KCNH1: variants seen among roughly 807,000 people sequenced by gnomAD.
The protein encoded by KCNH1 is potassium voltage-gated channel subfamily H member 1.
In KCNH1, 27 loss-of-function variants were observed where a neutral mutation model predicts 69.2. That is an observed-to-expected ratio of 0.39 (90% confidence interval 0.29 to 0.54). KCNH1 has a LOEUF of 0.54. KCNH1 is among the 20% of genes least tolerant of loss of function. The pLI is 0.68. For missense variants in KCNH1, 798 were observed against 1,261.6 expected (o/e 0.63, Z 5.57); for synonymous variants, 456 against 487.7 (o/e 0.93, Z 0.86).
At chr1:210,812,064 T>C (rs1303282663) in intron 7 of KCNH1, among the ~76,000 whole-genome samples, 2 of 152,176 alleles carry the variant, frequency 1.3e-5, no homozygotes, top group East Asian at 1.9e-4. Flanking sequence ...CTAAGAACTT[T>C]GAGAAGAGTG....
At chr1:210,741,280 G>C (rs1017766059) in intron 10 of KCNH1, among the ~76,000 whole-genome samples, 1 of 152,088 alleles carries the variant, frequency 6.6e-6, no homozygotes. Context: ...CCTACAACAG[G>C]ATAAATGAAT....
In KCNH1 at chr1:210,683,191, A is replaced by G; in HGVS notation, c.*90T>C. On this transcript the variant is annotated 3_prime_UTR_variant, in exon 11 of 11. Transcript: ENST00000271751. The surrounding 1 kb of genome is among the most constrained non-coding windows in gnomAD (Gnocchi z 5.7). ...TCTGTTAGGAAAAGCCTACTTGAAA[A>G]TTGTTGGTCATGTGGACATATGTGG... 1 of 1,265,008 alleles carries G rather than the reference A, an allele frequency of 7.9e-7. No individual in the cohort carries two copies. The highest frequency in any genetic ancestry group is 1.1e-6 in the Non-Finnish European group (1 of 914,260). The allele number at this position is 1,265,008 out of a possible 1,614,324, so 78.4% of individuals were successfully genotyped here.
intron 5 of KCNH1, among the ~76,000 whole-genome samples, chr1:211,077,195 T>C (rs1442356592): frequency 6.6e-6 from 1 of 152,112 alleles, no homozygotes; most frequent in East Asian, 1.9e-4. Flanking sequence ...TGCAGGATAT[T>C]ATCCAGGAGA....
intron 10 of KCNH1, among the ~76,000 whole-genome samples, chr1:210,753,281 T>C (rs939494602): frequency 4.4e-4 from 67 of 152,322 alleles, no homozygotes; most frequent in Non-Finnish European, 5.4e-4. Flanking sequence ...ACCAATATGA[T>C]GGTTTTCTTT....
In KCNH1 at chr1:211,085,628, G is replaced by T. The variant is rs1220501128; in HGVS notation, c.440-2730C>A. ...CAGAGTCAGGACTCTGAAAAAAATA[G>T]CTACACAGGAAAAGAAGAAGCAACC... On this transcript the variant is annotated intron_variant, in intron 4 of 10. Transcript: ENST00000271751. 3.9e-5 allele frequency among the ~76,000 whole-genome samples: 6 copies of T among 152,288 alleles called. No individual in the cohort carries two copies. In the South Asian group the frequency reaches 1.2e-3, roughly 32 times the overall value.
intron 10 of KCNH1, among the ~76,000 whole-genome samples, chr1:210,717,888 T>G (rs1307961537): frequency 6.6e-6 from 1 of 152,140 alleles, no homozygotes; most frequent in African/African-American, 2.4e-5. Context: ...GGAAGATCAC[T>G]TGAGATCAAG....
At chr1:210,879,719 G>A (rs536643108) in intron 7 of KCNH1, among the ~76,000 whole-genome samples, 3 of 152,020 alleles carry the variant, frequency 2.0e-5, no homozygotes, top group East Asian at 1.9e-4. Flanking sequence ...GTCTCTTCTC[G>A]CTACTGTTTT....
At chr1:211,067,817 G>A (rs1035972663) in intron 5 of KCNH1, among the ~76,000 whole-genome samples, 1 of 152,190 alleles carries the variant, frequency 6.6e-6, no homozygotes, top group African/African-American at 2.4e-5. Context: ...TGAGAGTCAG[G>A]TAAACCTGGT....
chr1:210,784,207 ACT>A (rs1056978461), intron 9 of KCNH1, among the ~76,000 whole-genome samples: 35 of 152,262 alleles, frequency 2.3e-4, no homozygotes, highest in African/African-American at 6.7e-4. Flanking sequence ...ACACTTAATA[ACT>A]CTCTCACATG....
At chr1:210,974,693 A>G (rs766318684) in intron 6 of KCNH1, among the ~76,000 whole-genome samples, 6 of 151,348 alleles carry the variant, frequency 4.0e-5, no homozygotes, top group African/African-American at 7.3e-5. Context: ...CCTCCCAAGT[A>G]GCTGGGACTA....
At chr1:210,857,884 T>C (rs1239996740) in intron 7 of KCNH1, among the ~76,000 whole-genome samples, 2 of 152,170 alleles carry the variant, frequency 1.3e-5, no homozygotes, top group East Asian at 1.9e-4. Context: ...GTATCAATAG[T>C]GGTTTCTGGA....
rs199980759 is a variant in KCNH1, at chr1:211,067,449, C to CT, written c.558+15330dup. Among the ~76,000 whole-genome samples the CT allele has an allele frequency of 1.4e-4, 22 of 152,252 alleles. No individual in the cohort carries two copies. The East Asian group carries it at 4.1e-3, about 28-fold the overall frequency. ...ATATGGGACTTATCTAGCTGGCAAT[C>CT]TTTGCTGGTGGCCTTCCTGTCAGGC... On this transcript the variant is annotated intron_variant, in intron 5 of 10. Transcript: ENST00000271751.
chr1:210,715,092 G>A (rs533551326), intron 10 of KCNH1, among the ~76,000 whole-genome samples: 3 of 152,304 alleles, frequency 2.0e-5, no homozygotes, highest in East Asian at 1.9e-4. Flanking sequence ...GCCTCAATAG[G>A]GGGCCTGACA....
At chr1:211,000,136 C>T (rs904426144) in intron 6 of KCNH1, among the ~76,000 whole-genome samples, 1 of 152,140 alleles carries the variant, frequency 6.6e-6, no homozygotes, top group Non-Finnish European at 1.5e-5. Flanking sequence ...CACTCCTATT[C>T]AACATAGTGT....
intron 10 of KCNH1, among the ~76,000 whole-genome samples, chr1:210,685,103 C>T (rs1366213505): frequency 6.6e-6 from 1 of 152,180 alleles, no homozygotes; most frequent in Non-Finnish European, 1.5e-5. Flanking sequence ...ATGAATTTGG[C>T]CCTGAGTGCA....
At chr1:211,064,143 G>A (rs1335495486) in intron 5 of KCNH1, among the ~76,000 whole-genome samples, 1 of 152,202 alleles carries the variant, frequency 6.6e-6, no homozygotes, top group African/African-American at 2.4e-5. Context: ...TCTATCAACA[G>A]GGGATAGCTG....
rs141694244 is a variant in KCNH1, at chr1:210,813,913, G to A, written c.1463-9747C>T. 8.9e-3 allele frequency among the ~76,000 whole-genome samples: 1,355 copies of A among 152,220 alleles called. 9 individuals are homozygous for A. Among genetic ancestry groups the A allele is most frequent in the Middle Eastern group, 0.02 (6 of 294 alleles). Reference sequence around the variant, plus strand: ...TGAGATCCGATGGTTTTATAAATGGGAGTTTCCCCACACAAGTTTTCTCTC... The same window carrying A: ...TGAGATCCGATGGTTTTATAAATGGAAGTTTCCCCACACAAGTTTTCTCTC... On this transcript the variant is annotated intron_variant, in intron 7 of 10. Transcript: ENST00000271751.
In KCNH1 at chr1:210,964,051, G is replaced by A. The variant is rs528881333; in HGVS notation, c.1033-43982C>T. On this transcript the variant is annotated intron_variant, in intron 6 of 10. Transcript: ENST00000271751. ...TAAGAGCATCCAGAGAGAAAGGTTG[G>A]GTTACCCACAAAGGGAAGCCCATCA... 2.1e-3 allele frequency among the ~76,000 whole-genome samples: 320 copies of A among 152,240 alleles called. 2 individuals are homozygous for A. The highest frequency in any genetic ancestry group is 3.3e-3 in the Non-Finnish European group (224 of 68,016).
intron 10 of KCNH1, among the ~76,000 whole-genome samples, chr1:210,741,591 AC>A (rs983682475): frequency 2.0e-5 from 3 of 152,188 alleles, no homozygotes; most frequent in Admixed American, 2.0e-4. Context: ...CAATTGTTCT[AC>A]CCAAGCAACA....
Sources: allele counts gnomAD v4.1 joint callset (sites outside exome capture counted in the v4.1 genomes callset), GRCh38; gene constraint gnomAD v4.1.1; non-coding constraint Gnocchi (gnomAD v3.1); transcripts MANE v1.5; gene names NCBI Gene and HGNC (gene_info 2026-07-23, HGNC 2026-07-21).